OSBPL3: variants seen among roughly 807,000 people sequenced by gnomAD.
OSBPL3 encodes oxysterol binding protein like 3.
In OSBPL3, 65 loss-of-function variants were observed where a neutral mutation model predicts 120.1. That is an observed-to-expected ratio of 0.54 (90% confidence interval 0.44 to 0.67). The LOEUF (loss-of-function observed/expected upper bound fraction) is 0.67. Ranked by LOEUF, OSBPL3 falls within the 30% of genes least tolerant of loss-of-function variation. OSBPL3 has a pLI of 0.00. For synonymous variants in OSBPL3, 416 were observed against 402.6 expected (o/e 1.03, Z -0.40); for missense variants, 1,004 against 1,082.1 (o/e 0.93, Z 1.01).
chr7:24,971,413 CAGCTCCGTGGAATGGAA>C (rs1425452753), intron 1 of OSBPL3, among the ~76,000 whole-genome samples: 1 of 152,214 alleles, frequency 6.6e-6, no homozygotes, highest in Non-Finnish European at 1.5e-5. Context: ...AGCCCGGGCA[CAGCTCCGTGGAATGGAA>C]AGCTACACCA....
chr7:24,925,096 A>G (rs998738126), intron 1 of OSBPL3, among the ~76,000 whole-genome samples: 39 of 152,352 alleles, frequency 2.6e-4, no homozygotes, highest in African/African-American at 9.4e-4. Flanking sequence ...AAATGACATG[A>G]CCACAGAATT....
intron 2 of OSBPL3, among the ~76,000 whole-genome samples, chr7:24,884,659 A>G (rs1254534199): frequency 6.6e-6 from 1 of 152,234 alleles, no homozygotes; most frequent in African/African-American, 2.4e-5. Flanking sequence ...TCAAACACTT[A>G]CATAGCACTT....
chr7:24,841,917 G>A (rs1359426800), intron 13 of OSBPL3, among the ~76,000 whole-genome samples: 3 of 151,670 alleles, frequency 2.0e-5, no homozygotes, highest in African/African-American at 7.3e-5. Flanking sequence ...GTAGGCTGAG[G>A]CTGGAGAATC....
intron 1 of OSBPL3, among the ~76,000 whole-genome samples, chr7:24,971,178 G>C (rs535734847): frequency 6.6e-5 from 10 of 152,226 alleles, no homozygotes; most frequent in Non-Finnish European, 1.3e-4. Flanking sequence ...CACAGAGGGG[G>C]TCTCTAATCA....
Position 24,854,962 on chromosome 7 carries a change from A to T in OSBPL3, c.1028-2328T>A, listed in dbSNP as rs1430768272. Reference sequence around the variant, plus strand: ...AAGGAGACACATGAGGATGAAAGTGATGGTGACTGCAGTCTCTTGAAATGT... The same window carrying T: ...AAGGAGACACATGAGGATGAAAGTGTTGGTGACTGCAGTCTCTTGAAATGT... On this transcript the variant is annotated intron_variant, in intron 10 of 22. Transcript: ENST00000313367. This position sits in a 1 kb window ranked among gnomAD's most constrained non-coding sequence, Gnocchi z 4.1. 6.6e-6 allele frequency among the ~76,000 whole-genome samples: 1 copy of T among 152,236 alleles called. No homozygotes were observed. The highest frequency in any genetic ancestry group is 1.9e-4 in the East Asian group (1 of 5,198).
At chr7:24,942,933 A>G (rs1273679156) in intron 1 of OSBPL3, among the ~76,000 whole-genome samples, 1 of 152,244 alleles carries the variant, frequency 6.6e-6, no homozygotes, top group Admixed American at 6.5e-5. Context: ...ACTACATTAC[A>G]AACAACTGTG....
intron 14 of OSBPL3, among the ~76,000 whole-genome samples, chr7:24,836,837 A>T (rs1415955151): frequency 6.6e-6 from 1 of 152,054 alleles, no homozygotes; most frequent in African/African-American, 2.4e-5. Flanking sequence ...TTGCTTTTTT[A>T]AAATTAATTT....
chr7:24,927,947 T>C (rs1470314836), intron 1 of OSBPL3, among the ~76,000 whole-genome samples: 2 of 152,102 alleles, frequency 1.3e-5, no homozygotes, highest in East Asian at 3.9e-4. Flanking sequence ...TAGGGCCTGG[T>C]GGGAGGTGAT....
rs1818085921 is a variant in OSBPL3, at chr7:24,979,870, G to C, written c.-150+16C>G. The C allele has an allele frequency of 1.0e-6, 1 of 984,972 alleles. No individual in the cohort carries two copies. Among genetic ancestry groups the C allele is most frequent in the Non-Finnish European group, 1.2e-6 (1 of 829,862 alleles). The allele number at this position is 984,972 out of a possible 1,614,324, so 61.0% of individuals were successfully genotyped here. On this transcript the variant is annotated intron_variant, in intron 1 of 22. Coordinates refer to ENST00000313367, the MANE Select transcript of OSBPL3 (RefSeq NM_015550.4). ...CGACACCCAGGCCCCATTTAGGCGG[G>C]CGCCCCGCCACTCACCTGAGCGCTG...
chr7:24,941,593 A>G (rs1461888001), intron 1 of OSBPL3, among the ~76,000 whole-genome samples: 9 of 152,192 alleles, frequency 5.9e-5, no homozygotes, highest in Non-Finnish European at 4.4e-5. Flanking sequence ...CACCCAGAGC[A>G]CTGGCTTTCA....
In OSBPL3 at chr7:24,913,968, C is replaced by T. The variant is rs1174020693; in HGVS notation, c.-149-21347G>A. Among the ~76,000 whole-genome samples the T allele has an allele frequency of 6.6e-6, 1 of 152,154 alleles. No homozygotes were observed. The highest frequency in any genetic ancestry group is 2.4e-5 in the African/African-American group (1 of 41,436). ...TACGAAAGAGTCAAAATCGCAAGCACCATTCAATCCTTTGGTAAGAACATG... is the reference window on the plus strand; with the variant it reads ...TACGAAAGAGTCAAAATCGCAAGCATCATTCAATCCTTTGGTAAGAACATG... On this transcript the variant is annotated intron_variant, in intron 1 of 22. Transcript: ENST00000313367. The surrounding 1 kb of genome is among the most constrained non-coding windows in gnomAD (Gnocchi z 5.3).
intron 1 of OSBPL3, among the ~76,000 whole-genome samples, chr7:24,951,849 C>T (rs1184025471): frequency 2.0e-5 from 3 of 152,190 alleles, no homozygotes; most frequent in African/African-American, 4.8e-5. Context: ...CAGAAGCTCT[C>T]CAAAATCACA....
At chr7:24,844,832 C>T (rs1470745249) in intron 12 of OSBPL3, among the ~76,000 whole-genome samples, 1 of 124,804 alleles carries the variant, frequency 8.0e-6, no homozygotes. Context: ...ATTAAAATAT[C>T]TGTGTACAAA....
chr7:24,800,308 A>G, intron 22 of OSBPL3, 29 bp from the exon 23 acceptor site: 2 of 1,321,304 alleles, frequency 1.5e-6, no homozygotes, highest in Non-Finnish European at 2.2e-6. Flanking sequence ...TTTCTTGCAG[A>G]CTCTTGAAAC....
intron 12 of OSBPL3, among the ~76,000 whole-genome samples, chr7:24,845,481 TG>T (rs1302905211): frequency 6.7e-6 from 1 of 149,864 alleles, no homozygotes; most frequent in African/African-American, 2.5e-5. Flanking sequence ...GTGTGAATTA[TG>T]GCCTTTTTCC....
chr7:24,895,708 G>A (rs1449978548), intron 1 of OSBPL3, among the ~76,000 whole-genome samples: 2 of 152,086 alleles, frequency 1.3e-5, no homozygotes, highest in African/African-American at 2.4e-5. Flanking sequence ...AAAGACCCCT[G>A]AGTGCTTTCA....
At chr7:24,945,647 T>A (rs1171871442) in intron 1 of OSBPL3, among the ~76,000 whole-genome samples, 1 of 152,066 alleles carries the variant, frequency 6.6e-6, no homozygotes, top group Admixed American at 6.5e-5. Flanking sequence ...GGGAAAAAAA[T>A]AGAAGTACAC....
At chr7:24,975,025 A>C (rs900516846) in intron 1 of OSBPL3, among the ~76,000 whole-genome samples, 1 of 152,224 alleles carries the variant, frequency 6.6e-6, no homozygotes. Context: ...GTGGTGAGCT[A>C]TGAGTCTAGA....
rs1037224769 is a variant in OSBPL3, at chr7:24,872,346, G to A, written c.97-277C>T. On this transcript the variant is annotated intron_variant, in intron 2 of 22. Transcript: ENST00000313367. This position sits in a 1 kb window ranked among gnomAD's most constrained non-coding sequence, Gnocchi z 4.1. ...TGAACCTTAATAGGCACAGCTAAAT[G>A]TAAAGATTTTCCTGTAAGTTCTATT... is the stretch of plus-strand genomic sequence containing the variant. 3.3e-5 allele frequency among the ~76,000 whole-genome samples: 5 copies of A among 151,668 alleles called. No homozygotes were observed. Among genetic ancestry groups the A allele is most frequent in the Non-Finnish European group, 7.4e-5 (5 of 67,956 alleles).
Sources: allele counts gnomAD v4.1 joint callset (sites outside exome capture counted in the v4.1 genomes callset), GRCh38; gene constraint gnomAD v4.1.1; non-coding constraint Gnocchi (gnomAD v3.1); transcripts MANE v1.5; gene names NCBI Gene and HGNC (gene_info 2026-07-23, HGNC 2026-07-21).